The following PARL variants were observed in gnomAD, a reference collection of about 807,000 sequenced individuals.
PARL encodes the protein presenilin associated rhomboid like, also known as presenilin-associated rhomboid-like protein, mitochondrial.
Under a neutral mutation model 51.6 loss-of-function variants are expected in PARL, and 44 were observed. The ratio of observed to expected loss-of-function variants is 0.85; its 90% CI spans 0.67 to 1.10. The LOEUF is 1.10. PARL is among the 50% of genes least tolerant of loss of function. The pLI, the probability that PARL is intolerant of heterozygous loss-of-function variation, is 0.00. For synonymous variants in PARL, 172 were observed against 164.0 expected, an observed-to-expected ratio of 1.05 and a Z score of -0.37; for missense variants, 441 against 469.5, an observed-to-expected ratio of 0.94 and a Z score of 0.56.
intron 4 of PARL, among the ~76,000 whole-genome samples, chr3:183,852,347 A>G (rs1242629528): frequency 6.6e-6 from 1 of 152,172 alleles, no homozygotes; most frequent in African/African-American, 2.4e-5. Context: ...ATCATGCTAC[A>G]ATATCGACGA....
chr3:183,862,900 C>A (rs193230012), intron 3 of PARL, 99 bp from the exon 4 acceptor site: 2 of 924,812 alleles, frequency 2.2e-6, no homozygotes, highest in Non-Finnish European at 3.6e-6. Context: ...AGGAATTCCT[C>A]TTCTGCAAAA....
At chr3:183,830,432 G>A (rs949724081) in intron 9 of PARL, among the ~76,000 whole-genome samples, 1 of 152,162 alleles carries the variant, frequency 6.6e-6, no homozygotes, top group Non-Finnish European at 1.5e-5. Context: ...AGCATCTTCT[G>A]TGAGCTGGGG....
At chr3:183,836,343 GT>G (rs532209450) in intron 7 of PARL, among the ~76,000 whole-genome samples, 1 of 151,106 alleles carries the variant, frequency 6.6e-6, no homozygotes, top group African/African-American at 2.4e-5. Context: ...TGGAACGCTG[GT>G]TTTTTTGTGA....
At position 183,873,230 on chromosome 3, in the gene PARL, G is replaced by A. The variant is rs1205216144; in HGVS notation, c.126-5170C>T. Among the ~76,000 whole-genome samples the A allele has an allele frequency of 5.3e-5, 8 of 152,336 alleles. 1 individual carries two copies. Among genetic ancestry groups the A allele is most frequent in the Middle Eastern group, 3.4e-3 (1 of 294 alleles). On this transcript the variant is annotated intron_variant, in intron 1 of 9. Transcript: ENST00000317096. Reference sequence around the variant, plus strand: ...ATAAAGATGACAAGTTGACAGCCGGGCATGGTAGCTCACGCCTGTAATCCC... The same window carrying A: ...ATAAAGATGACAAGTTGACAGCCGGACATGGTAGCTCACGCCTGTAATCCC...
intron 1 of PARL, among the ~76,000 whole-genome samples, chr3:183,883,967 T>C (rs973597705): frequency 6.6e-6 from 1 of 152,212 alleles, no homozygotes; most frequent in African/African-American, 2.4e-5. Context: ...ATCAGGTGGA[T>C]TCGAGGCACC....
chr3:183,843,312 A>C, intron 5 of PARL: 1 of 985,306 alleles, frequency 1.0e-6, no homozygotes, highest in Non-Finnish European at 1.2e-6. Flanking sequence ...GATTAGAAAA[A>C]AATAAGCAGT....
At chr3:183,881,685 G>A (rs904235592) in intron 1 of PARL, among the ~76,000 whole-genome samples, 1 of 152,146 alleles carries the variant, frequency 6.6e-6, no homozygotes, top group Non-Finnish European at 1.5e-5. Flanking sequence ...TTGAACCCAG[G>A]AGTTTGAGGC....
At chr3:183,868,495 C>T (rs1379880461) in intron 1 of PARL, among the ~76,000 whole-genome samples, 1 of 152,104 alleles carries the variant, frequency 6.6e-6, no homozygotes, top group Non-Finnish European at 1.5e-5. Context: ...ACTGCAGCCT[C>T]CACGTCTCAG....
chr3:183,842,445 C>CCT lies in PARL; in HGVS notation c.608_609dup (p.Val204ArgfsTer34). Reference sequence around the variant, plus strand: ...GACAGCAACATTGGAGAACAAAGGACCTCTACAAGAGAGAGAAACATAGTC... The same window carrying CCT: ...GACAGCAACATTGGAGAACAAAGGACCTCTCTACAAGAGAGAGAAACATAGTC... On this transcript the variant is annotated frameshift_variant and splice_region_variant, in exon 6 of 10. Coordinates refer to ENST00000317096, the MANE Select transcript of PARL (RefSeq NM_018622.7). LOFTEE classifies it high-confidence loss of function. 1 of 1,611,984 alleles carries CCT rather than the reference C, an allele frequency of 6.2e-7. No homozygotes were observed. The highest frequency in any genetic ancestry group is 8.5e-7 in the Non-Finnish European group (1 of 1,178,280).
At chr3:183,874,511 C>T (rs1396744898) in intron 1 of PARL, among the ~76,000 whole-genome samples, 2 of 151,338 alleles carry the variant, frequency 1.3e-5, no homozygotes, top group South Asian at 2.1e-4. Flanking sequence ...CGGGTGCAAG[C>T]GATTCTCCTG....
At chr3:183,863,315 G>C (rs1732057740) in intron 3 of PARL, among the ~76,000 whole-genome samples, 1 of 151,836 alleles carries the variant, frequency 6.6e-6, no homozygotes, top group African/African-American at 2.4e-5. Flanking sequence ...TTTTATGCAT[G>C]AAATACGTCT....
intron 1 of PARL, among the ~76,000 whole-genome samples, chr3:183,882,155 G>C (rs1408589869): frequency 6.9e-6 from 1 of 144,906 alleles, no homozygotes; most frequent in Non-Finnish European, 1.5e-5. Context: ...AGTGAGCTGA[G>C]ATCGTGCCAC....
In PARL at chr3:183,876,631, AAAAAAAAGAAAAAG is replaced by A. The variant is rs1296386886; in HGVS notation, c.125+8077_125+8090del. 4.6e-3 allele frequency among the ~76,000 whole-genome samples: 562 copies of A among 122,232 alleles called. 3 individuals carry two copies. Among genetic ancestry groups the A allele is most frequent in the African/African-American group, 0.018 (538 of 30,300 alleles). 80.2% of individuals were successfully genotyped at this position (122,232 alleles called of 152,430 possible). A position where few individuals can be genotyped will look rare whatever the true frequency, so the allele number is the denominator to read the frequency against. ...TTTGTAAAAAAAAAAAAAAAAAAAA[AAAAAAAAGAAAAAG>A]AAAAAGAAAGAAAGAAAGAAAGAAA... On this transcript the variant is annotated intron_variant, in intron 1 of 9. Transcript: ENST00000317096.
intron 3 of PARL, 119 bp from the exon 4 acceptor site, chr3:183,862,920 G>C (rs1732008643): frequency 1.3e-6 from 1 of 797,820 alleles, no homozygotes; most frequent in African/African-American, 1.7e-5. Context: ...AATCACTGGT[G>C]GTCACAGACA....
downstream of PARL, among the ~76,000 whole-genome samples, chr3:183,827,114 T>C (rs532581360): frequency 6.6e-6 from 1 of 151,238 alleles, no homozygotes; most frequent in Non-Finnish European, 1.5e-5. Flanking sequence ...TCAGCTGAGG[T>C]AGCAGACCAT....
At chr3:183,834,063 T>C (rs1234430519) in intron 7 of PARL, among the ~76,000 whole-genome samples, 6 of 152,246 alleles carry the variant, frequency 3.9e-5, no homozygotes, top group African/African-American at 1.2e-4. Context: ...GTAAGATGTA[T>C]GTGCCTCATG....
chr3:183,832,244 A>C (rs1577270309), intron 9 of PARL, among the ~76,000 whole-genome samples: 1 of 150,472 alleles, frequency 6.6e-6, no homozygotes, highest in African/African-American at 2.5e-5. Context: ...TTTGAGACAG[A>C]GTCTCACTTT....
chr3:183,849,556 T>A (rs182740331), intron 4 of PARL, among the ~76,000 whole-genome samples: 79 of 150,144 alleles, frequency 5.3e-4, no homozygotes, highest in African/African-American at 1.8e-3. Context: ...AAAAAAGAGA[T>A]CTCAATTCAA....
chr3:183,827,455 TAA>T (rs1330722520), downstream of PARL, among the ~76,000 whole-genome samples: 1 of 151,704 alleles, frequency 6.6e-6, no homozygotes, highest in Non-Finnish European at 1.5e-5. Flanking sequence ...CTCAAATAAA[TAA>T]AAGTTTTTCA....
Sources: allele counts gnomAD v4.1 joint callset (sites outside exome capture counted in the v4.1 genomes callset), GRCh38; gene constraint gnomAD v4.1.1; transcripts MANE v1.5; gene names NCBI Gene and HGNC (gene_info 2026-07-23, HGNC 2026-07-21).